Variants in SIK2 observed in about 807,000 individuals in gnomAD.
SIK2 encodes serine/threonine-protein kinase SIK2.
Under a neutral mutation model 103.2 loss-of-function variants are expected in SIK2, and 29 were observed. The ratio of observed to expected loss-of-function variants is 0.28; its 90% confidence interval spans 0.21 to 0.38. The LOEUF is 0.38. Ranked by LOEUF, SIK2 falls within the 10% of genes least tolerant of loss-of-function variation. SIK2 has a pLI of 1.00. For missense variants in SIK2, 879 were observed against 1,171.0 expected (o/e 0.75, Z 3.64); for synonymous variants, 412 against 446.1 (o/e 0.92, Z 0.96).
chr11:111,715,793 C>CTTTTTTT (rs535843069), intron 9 of SIK2, among the ~76,000 whole-genome samples: 163 of 81,594 alleles, frequency 2.0e-3, no homozygotes, highest in South Asian at 3.9e-3. Flanking sequence ...TCATTTTTAG[C>CTTTTTTT]TTTTTTTTTT....
At chr11:111,604,462 CTAT>C (rs1941622873) in intron 1 of SIK2, among the ~76,000 whole-genome samples, 1 of 152,176 alleles carries the variant, frequency 6.6e-6, no homozygotes, top group Non-Finnish European at 1.5e-5. Context: ...ATTAAGTCAT[CTAT>C]TATTTATCAG....
rs372431675 is a variant in SIK2, at chr11:111,705,157, G to A, written c.1101+18G>A. 4 of 1,546,830 alleles carry A rather than the reference G, an allele frequency of 2.6e-6. No individual in the cohort carries two copies. The African/African-American group carries it at 4.3e-5, about 16-fold the overall frequency. ...TTGCCAAGGTAATGCCCCCTTAGCT[G>A]AGAGTCTTATCTGTGCATGTGCCTG... On this transcript the variant is annotated intron_variant, in intron 8 of 14. Coordinates refer to ENST00000304987, the MANE Select transcript of SIK2 (RefSeq NM_015191.3). The surrounding 1 kb of genome is among the most constrained non-coding windows in gnomAD (Gnocchi z 4.3).
chr11:111,604,057 T>C (rs149140976), intron 1 of SIK2, among the ~76,000 whole-genome samples: 4 of 152,378 alleles, frequency 2.6e-5, no homozygotes, highest in Non-Finnish European at 4.4e-5. Context: ...ACTTATCTTT[T>C]AGAATCAGGA....
intron 1 of SIK2, among the ~76,000 whole-genome samples, chr11:111,605,568 G>A (rs554614867): frequency 2.6e-5 from 4 of 152,164 alleles, no homozygotes; most frequent in East Asian, 1.9e-4. Flanking sequence ...CTTTAACATC[G>A]ATACAAGTTT....
intron 1 of SIK2, among the ~76,000 whole-genome samples, chr11:111,607,536 G>T (rs896890245): frequency 6.6e-6 from 1 of 152,052 alleles, no homozygotes. Flanking sequence ...TATTAATCTT[G>T]TACTGTGAAA....
chr11:111,730,386 A>G lies in SIK2; in HGVS notation c.*6257A>G, dbSNP rs1944147216. On this transcript the variant is annotated 3_prime_UTR_variant, in exon 15 of 15. Coordinates refer to ENST00000304987, the MANE Select transcript of SIK2 (RefSeq NM_015191.3). ...AAACCTGCCTTCACCAAAATCTCTG[A>G]AGGGGAAAGAAGTGGAGAGAAAGGT... is the stretch of plus-strand genomic sequence containing the variant. 1 of 152,202 alleles carries G rather than the reference A, an allele frequency of 6.6e-6. No homozygotes were observed. Among genetic ancestry groups the G allele is most frequent in the Non-Finnish European group, 1.5e-5 (1 of 68,044 alleles). 9.4% of individuals were successfully genotyped at this position (152,202 alleles called of 1,614,324 possible).
chr11:111,713,511 C>T (rs1377773025), intron 9 of SIK2, among the ~76,000 whole-genome samples: 6 of 152,122 alleles, frequency 3.9e-5, no homozygotes, highest in Non-Finnish European at 8.8e-5. Flanking sequence ...AGGTTTGGGA[C>T]AGATTATAGA....
chr11:111,729,943 C>A lies in SIK2; in HGVS notation c.*5814C>A, dbSNP rs1286202709. ...AATACAGCAGTTTCCTACAGAACAC[C>A]CCCTTCCTCAATTGCCAAGGGGCCG... On this transcript the variant is annotated 3_prime_UTR_variant, in exon 15 of 15. Coordinates refer to ENST00000304987, the MANE Select transcript of SIK2 (RefSeq NM_015191.3). 1 of 152,326 alleles carries A rather than the reference C, an allele frequency of 6.6e-6. No homozygotes were observed. Among genetic ancestry groups the A allele is most frequent in the African/African-American group, 2.4e-5 (1 of 41,454 alleles). 9.4% of individuals were successfully genotyped at this position (152,326 alleles called of 1,614,324 possible).
chr11:111,627,248 A>G (rs1941973117), intron 3 of SIK2, among the ~76,000 whole-genome samples: 1 of 152,192 alleles, frequency 6.6e-6, no homozygotes, highest in African/African-American at 2.4e-5. Flanking sequence ...ACATTAATCA[A>G]GTAGTGAAAA....
chr11:111,618,477 A>C (rs1444268404), intron 2 of SIK2, among the ~76,000 whole-genome samples: 4 of 152,196 alleles, frequency 2.6e-5, no homozygotes, highest in Non-Finnish European at 5.9e-5. Flanking sequence ...TTTCCTAAAA[A>C]TACTAAAACT....
chr11:111,721,756 G>A, intron 12 of SIK2, 74 bp from the exon 13 acceptor site: 1 of 1,160,370 alleles, frequency 8.6e-7, no homozygotes, highest in Non-Finnish European at 1.2e-6. Flanking sequence ...ACATTGCAAA[G>A]GTGCTTCAGC....
Position 111,701,019 on chromosome 11 carries a change from T to C in SIK2, c.603+9T>C, listed in dbSNP as rs765453460. 30 of 1,612,904 alleles carry C rather than the reference T, an allele frequency of 1.9e-5. No individual in the cohort carries two copies. The highest frequency in any genetic ancestry group is 2.5e-6 in the Non-Finnish European group (3 of 1,179,244). Reference sequence around the variant, plus strand: ...CACAGCTGGACATCTGGGTACTGCTTTGCTTTGCTGTGTTGTTAAATGCAT... The same window carrying C: ...CACAGCTGGACATCTGGGTACTGCTCTGCTTTGCTGTGTTGTTAAATGCAT... On this transcript the variant is annotated intron_variant, in intron 5 of 14. Coordinates refer to ENST00000304987, the MANE Select transcript of SIK2 (RefSeq NM_015191.3). The surrounding 1 kb of genome is among the most constrained non-coding windows in gnomAD (Gnocchi z 4.2).
chr11:111,620,426 C>T, intron 3 of SIK2, 24 bp downstream of exon 3: 1 of 1,493,098 alleles, frequency 6.7e-7, no homozygotes, highest in Non-Finnish European at 9.1e-7. Context: ...TTTAAATTTT[C>T]TATTAATTTG....
rs114480420 is a variant in SIK2 at position 111,726,754 on chromosome 11, C to T, written c.*2625C>T. On this transcript the variant is annotated 3_prime_UTR_variant, in exon 15 of 15. Transcript: ENST00000304987. Reference sequence around the variant, plus strand: ...AAGGCTTAGTATCGCTCTTTTTCTGCGGGGCTACTCTGAAGTACTGACTTG... The same window carrying T: ...AAGGCTTAGTATCGCTCTTTTTCTGTGGGGCTACTCTGAAGTACTGACTTG... 6.4e-4 allele frequency: 362 copies of T among 568,364 alleles called. 4 individuals are homozygous for T. Among genetic ancestry groups the T allele is most frequent in the African/African-American group, 6.3e-3 (337 of 53,488 alleles). The allele number at this position is 568,364 out of a possible 1,614,324, so 35.2% of individuals were successfully genotyped here. A position where few individuals can be genotyped will look rare whatever the true frequency, so the allele number is the denominator to read the frequency against.
At chr11:111,610,309 G>A (rs1941704239) in intron 1 of SIK2, among the ~76,000 whole-genome samples, 1 of 152,048 alleles carries the variant, frequency 6.6e-6, no homozygotes, top group Non-Finnish European at 1.5e-5. Context: ...GGCCAACATG[G>A]TGAAACCCCA....
intron 3 of SIK2, among the ~76,000 whole-genome samples, chr11:111,664,196 T>A (rs1017027747): frequency 4.6e-5 from 7 of 152,264 alleles, no homozygotes; most frequent in African/African-American, 1.7e-4. Flanking sequence ...TGTATTTTTC[T>A]ATGGAACAAT....
chr11:111,633,017 C>G (rs146663510), intron 3 of SIK2, among the ~76,000 whole-genome samples: 1 of 152,248 alleles, frequency 6.6e-6, no homozygotes, highest in Non-Finnish European at 1.5e-5. Context: ...CTTACCAGAT[C>G]TAATGACCAA....
intron 9 of SIK2, 80 bp from the exon 10 acceptor site, chr11:111,719,695 A>G: frequency 7.2e-7 from 1 of 1,382,368 alleles, no homozygotes. Flanking sequence ...GTTCGCCACA[A>G]GTCTTGACAT....
chr11:111,713,901 A>G (rs1236976357), intron 9 of SIK2, among the ~76,000 whole-genome samples: 1 of 152,180 alleles, frequency 6.6e-6, no homozygotes, highest in Non-Finnish European at 1.5e-5. Context: ...CAGGAAGTGG[A>G]GGTTGCAGTG....
Sources: allele counts gnomAD v4.1 joint callset (sites outside exome capture counted in the v4.1 genomes callset), GRCh38; gene constraint gnomAD v4.1.1; non-coding constraint Gnocchi (gnomAD v3.1); transcripts MANE v1.5; gene names NCBI Gene and HGNC (gene_info 2026-07-23, HGNC 2026-07-21).